TANGO6: variants seen among roughly 807,000 people sequenced by gnomAD.
The protein encoded by TANGO6 is transport and golgi organization 6 homolog.
A neutral mutation model predicts 114.2 loss-of-function variants in TANGO6; 90 were observed. That is an observed-to-expected ratio of 0.79 (90% confidence interval 0.66 to 0.94). The LOEUF (loss-of-function observed/expected upper bound fraction) is 0.94, where lower values mean the gene tolerates loss of function less well. Among genes scored for constraint, TANGO6 ranks in the 40% least tolerant of loss-of-function variants. The pLI is 0.00. For missense variants in TANGO6, 1,274 were observed against 1,315.3 expected (o/e 0.97, Z 0.49); for synonymous variants, 477 against 509.8 (o/e 0.94, Z 0.87).
intron 15 of TANGO6, among the ~76,000 whole-genome samples, chr16:68,979,441 G>A (rs1963801602): frequency 6.6e-6 from 1 of 151,906 alleles, no homozygotes; most frequent in African/African-American, 2.4e-5. Flanking sequence ...TGTTGGCCAG[G>A]CTGGTCGCAA....
intron 17 of TANGO6, among the ~76,000 whole-genome samples, chr16:69,045,226 G>A (rs893340333): frequency 2.0e-5 from 3 of 151,454 alleles, no homozygotes; most frequent in South Asian, 2.1e-4. Context: ...AGGCCGAGGC[G>A]GGCGGATCAT....
intron 2 of TANGO6, 49 bp downstream of exon 2, chr16:68,860,573 T>A (rs1466248040): frequency 6.3e-7 from 1 of 1,586,476 alleles, no homozygotes; most frequent in East Asian, 2.2e-5. Flanking sequence ...TGTGTATGAA[T>A]GTGTGTATAT....
intron 1 of TANGO6, among the ~76,000 whole-genome samples, chr16:68,845,557 ATATCTG>A (rs1961790103): frequency 6.6e-6 from 1 of 152,170 alleles, no homozygotes; most frequent in African/African-American, 2.4e-5. Flanking sequence ...GAATTTAAAA[ATATCTG>A]TAGTGGCTGG....
chr16:68,994,130 C>T (rs1963970346), intron 15 of TANGO6, among the ~76,000 whole-genome samples: 1 of 152,146 alleles, frequency 6.6e-6, no homozygotes, highest in South Asian at 2.1e-4. Context: ...CTATAGAAGT[C>T]CTGGCATCTC....
At chr16:68,945,579 A>G (rs1963406215) in intron 14 of TANGO6, among the ~76,000 whole-genome samples, 1 of 152,062 alleles carries the variant, frequency 6.6e-6, no homozygotes, top group Non-Finnish European at 1.5e-5. Flanking sequence ...GGGGTATCTC[A>G]TTGTGATTTG....
At chr16:69,040,591 T>C (rs1293625464) in intron 17 of TANGO6, among the ~76,000 whole-genome samples, 170 bp downstream of exon 17, 1 of 152,148 alleles carries the variant, frequency 6.6e-6, no homozygotes, top group African/African-American at 2.4e-5. Context: ...GTATCTTCGG[T>C]GTATGTCTCT....
At chr16:69,061,733 TCCGG>T (rs1274765681) in intron 17 of TANGO6, among the ~76,000 whole-genome samples, 6 of 151,476 alleles carry the variant, frequency 4.0e-5, no homozygotes, top group Non-Finnish European at 7.4e-5. Context: ...AGAATGCATT[TCCGG>T]CCGGGCGCGC....
chr16:68,884,070 G>A (rs1218539902), intron 7 of TANGO6, among the ~76,000 whole-genome samples: 4 of 151,782 alleles, frequency 2.6e-5, no homozygotes, highest in South Asian at 2.1e-4. Context: ...CCACCACGCC[G>A]AGCTAATTTT....
intron 13 of TANGO6, among the ~76,000 whole-genome samples, chr16:68,928,551 C>T (rs1300145265): frequency 6.6e-6 from 1 of 152,060 alleles, no homozygotes; most frequent in Non-Finnish European, 1.5e-5. Context: ...CCACCTGCCT[C>T]GGCCTCCCAA....
At chr16:68,880,505 G>A (rs1040752104) in intron 6 of TANGO6, 43 bp from the exon 7 acceptor site, 1 of 1,485,980 alleles carries the variant, frequency 6.7e-7, no homozygotes, top group Non-Finnish European at 9.3e-7. Context: ...GTCCTATTCA[G>A]TGAGGCACTA....
chr16:68,938,133 G>A (rs761124816), intron 14 of TANGO6, among the ~76,000 whole-genome samples: 3 of 152,128 alleles, frequency 2.0e-5, no homozygotes, highest in Non-Finnish European at 2.9e-5. Flanking sequence ...CAAAGCTGTC[G>A]AGGTAAAATA....
intron 17 of TANGO6, among the ~76,000 whole-genome samples, chr16:69,069,405 A>G (rs1024463721): frequency 1.3e-5 from 2 of 152,230 alleles, no homozygotes; most frequent in Admixed American, 6.5e-5. Context: ...CATCTTGGGC[A>G]AGATGAAGGT....
At chr16:68,854,372 G>A (rs1354435137) in intron 1 of TANGO6, among the ~76,000 whole-genome samples, 1 of 152,066 alleles carries the variant, frequency 6.6e-6, no homozygotes, top group Non-Finnish European at 1.5e-5. Flanking sequence ...TTGAACCTGG[G>A]AGATTAAGGC....
chr16:69,031,038 G>C (rs9931971), intron 16 of TANGO6, among the ~76,000 whole-genome samples: 25,282 of 151,884 alleles, frequency 0.17, 2,252 homozygotes, highest in Non-Finnish European at 0.19. Context: ...CCTGGCAACA[G>C]AGCAAGACTC....
At chr16:69,013,889 C>G (rs1488891275) in intron 15 of TANGO6, among the ~76,000 whole-genome samples, 1 of 152,138 alleles carries the variant, frequency 6.6e-6, no homozygotes, top group African/African-American at 2.4e-5. Context: ...AACTCCTGAG[C>G]TCAGGCAATC....
intron 17 of TANGO6, among the ~76,000 whole-genome samples, chr16:69,046,839 TATA>T (rs1335730782): frequency 6.6e-6 from 1 of 152,012 alleles, no homozygotes; most frequent in Non-Finnish European, 1.5e-5. Flanking sequence ...CTAGAAATTA[TATA>T]ATGTGAAGAA....
intron 7 of TANGO6, among the ~76,000 whole-genome samples, chr16:68,890,164 A>C (rs978325948): frequency 4.6e-5 from 7 of 152,194 alleles, no homozygotes; most frequent in Admixed American, 2.6e-4. Flanking sequence ...AGTCAGCTTG[A>C]TTCCGAATAG....
rs150652676 is a variant in TANGO6, at chr16:68,891,800, A to G, written c.1378-8634A>G. Among the ~76,000 whole-genome samples the G allele has an allele frequency of 5.0e-3, 751 of 149,036 alleles. 7 individuals are homozygous for G. Among genetic ancestry groups the G allele is most frequent in the African/African-American group, 0.018 (723 of 40,832 alleles). Reference sequence around the variant, plus strand: ...GCTTAAGGAAGGAAGGAAGAAAGGAAAGAAGGAAGGGAAGGACGGAGGGGA... The same window carrying G: ...GCTTAAGGAAGGAAGGAAGAAAGGAGAGAAGGAAGGGAAGGACGGAGGGGA... On this transcript the variant is annotated intron_variant, in intron 7 of 17. Coordinates refer to ENST00000261778, the MANE Select transcript of TANGO6 (RefSeq NM_024562.2).
chr16:68,918,819 G>A (rs1164477284), intron 11 of TANGO6, among the ~76,000 whole-genome samples: 2 of 152,166 alleles, frequency 1.3e-5, no homozygotes, highest in Admixed American at 6.5e-5. Context: ...AGCCCAGAGA[G>A]GGCATGGAAG....
Sources: allele counts gnomAD v4.1 joint callset (sites outside exome capture counted in the v4.1 genomes callset), GRCh38; gene constraint gnomAD v4.1.1; transcripts MANE v1.5; gene names NCBI Gene and HGNC (gene_info 2026-07-23, HGNC 2026-07-21).